The following MUSK variants were observed in gnomAD, a reference collection of about 807,000 sequenced individuals.
MUSK encodes the protein muscle associated receptor tyrosine kinase.
MUSK carries 55 observed loss-of-function variants against 88.7 expected under a neutral mutation model. That is an observed-to-expected ratio of 0.62 (90% CI 0.50 to 0.78). MUSK has a LOEUF of 0.78. Among genes scored for constraint, MUSK ranks in the 30% least tolerant of loss-of-function variants. MUSK has a pLI of 0.00. For missense variants in MUSK, 1,015 were observed against 1,074.3 expected (o/e 0.94, Z 0.77); for synonymous variants, 387 against 391.9 (o/e 0.99, Z 0.15).
intron 14 of MUSK, among the ~76,000 whole-genome samples, chr9:110,790,370 TAGAG>T (rs1462774093): frequency 6.6e-6 from 1 of 152,142 alleles, no homozygotes; most frequent in Non-Finnish European, 1.5e-5. Context: ...GGAACATGGA[TAGAG>T]CTGAAGGGGG....
chr9:110,713,263 T>TTTC (rs2076698430), intron 5 of MUSK, among the ~76,000 whole-genome samples: 1 of 42,354 alleles, frequency 2.4e-5, no homozygotes, highest in South Asian at 8.3e-4. Context: ...CCTTTTTTTC[T>TTTC]TTTTTTTTTT....
At chr9:110,759,248 T>C (rs1257064401) in intron 7 of MUSK, among the ~76,000 whole-genome samples, 2 of 152,166 alleles carry the variant, frequency 1.3e-5, no homozygotes, top group Admixed American at 1.3e-4. Context: ...CCCTATTTAA[T>C]AAATGGTGCT....
At chr9:110,747,873 T>C (rs2077195881) in intron 7 of MUSK, 73 bp downstream of exon 7, 2 of 1,540,980 alleles carry the variant, frequency 1.3e-6, no homozygotes, top group Non-Finnish European at 1.8e-6. Flanking sequence ...TATCGAGCAT[T>C]GGAGAAAATC....
chr9:110,684,425 C>G (rs2076168989), intron 2 of MUSK, among the ~76,000 whole-genome samples: 1 of 151,910 alleles, frequency 6.6e-6, no homozygotes, highest in South Asian at 2.1e-4. Context: ...AATGTGATTC[C>G]TCCAGTTTTT....
Position 110,805,872 on chromosome 9 carries a change from ATC to A in MUSK, c.*4888_*4889del, listed in dbSNP as rs1385538380. On this transcript the variant is annotated 3_prime_UTR_variant, in exon 15 of 15. Transcript: ENST00000374448. ...ATAAAATTAAAAGTTTATCATTTTC[ATC>A]TCTGTTAGAGTTTTGTATTGGCATT... Among the ~76,000 whole-genome samples, 4 of 151,972 alleles carry A rather than the reference ATC, an allele frequency of 2.6e-5. No homozygotes were observed. The highest frequency in any genetic ancestry group is 2.6e-4 in the Admixed American group (4 of 15,272).
In MUSK at chr9:110,806,450, T is replaced by C. The variant is rs1052257091; in HGVS notation, c.*5462T>C. On this transcript the variant is annotated 3_prime_UTR_variant, in exon 15 of 15. Coordinates refer to ENST00000374448, the MANE Select transcript of MUSK (RefSeq NM_005592.4). ...CTATATGTTCATTTCTATGAATCTG[T>C]AATATTTGCATTTTGTTCTGGAACA... Among the ~76,000 whole-genome samples, 1 of 152,184 alleles carries C rather than the reference T, an allele frequency of 6.6e-6. No homozygotes were observed. The highest frequency in any genetic ancestry group is 2.4e-5 in the African/African-American group (1 of 41,448).
chr9:110,714,610 AAG>A (rs2076722149), intron 5 of MUSK, among the ~76,000 whole-genome samples: 1 of 152,186 alleles, frequency 6.6e-6, no homozygotes, highest in Non-Finnish European at 1.5e-5. Flanking sequence ...TTTAGCTACC[AAG>A]AGTCAGGAAA....
intron 11 of MUSK, among the ~76,000 whole-genome samples, chr9:110,778,125 T>C (rs986558605): frequency 6.6e-6 from 1 of 152,102 alleles, no homozygotes; most frequent in Non-Finnish European, 1.5e-5. Flanking sequence ...ACCAGCTCAT[T>C]TGGAGGGGTC....
At chr9:110,726,632 C>T (rs554521173) in intron 5 of MUSK, among the ~76,000 whole-genome samples, 1 of 152,090 alleles carries the variant, frequency 6.6e-6, no homozygotes, top group East Asian at 1.9e-4. Flanking sequence ...TTTGGAGATA[C>T]CACAGTTGCA....
intron 7 of MUSK, among the ~76,000 whole-genome samples, chr9:110,757,693 A>G (rs1301310045): frequency 6.6e-6 from 1 of 151,918 alleles, no homozygotes. Flanking sequence ...ATTTCTGCTA[A>G]AAATATTTAG....
intron 5 of MUSK, among the ~76,000 whole-genome samples, chr9:110,714,373 C>G (rs368264212): frequency 2.6e-5 from 4 of 152,120 alleles, no homozygotes; most frequent in South Asian, 4.1e-4. Context: ...TGTTCCCAAC[C>G]CAAGCCATGG....
chr9:110,701,922 T>C (rs558167884), intron 5 of MUSK, among the ~76,000 whole-genome samples: 1 of 140,114 alleles, frequency 7.1e-6, no homozygotes, highest in African/African-American at 2.7e-5. Context: ...TTATTTTATT[T>C]TATTTCATAG....
At chr9:110,742,350 G>T (rs1175447513) in intron 6 of MUSK, among the ~76,000 whole-genome samples, 1 of 152,092 alleles carries the variant, frequency 6.6e-6, no homozygotes, top group Admixed American at 6.6e-5. Flanking sequence ...CAGCTACTTG[G>T]GAGGCTGAGG....
In MUSK at chr9:110,676,926, T is replaced by C. The variant is rs2076038685; in HGVS notation, c.80-5748T>C. On this transcript the variant is annotated intron_variant, in intron 1 of 14. Transcript: ENST00000374448. Reference sequence around the variant, plus strand: ...CATTGAGGAAAGAGAAGCATTTAAATAAGAAGCTCTCTCTTCAGCTGCCTA... The same window carrying C: ...CATTGAGGAAAGAGAAGCATTTAAACAAGAAGCTCTCTCTTCAGCTGCCTA... Among the ~76,000 whole-genome samples, 4 of 152,170 alleles carry C rather than the reference T, an allele frequency of 2.6e-5. No individual in the cohort carries two copies. In the South Asian group the frequency reaches 8.3e-4, roughly 32 times the overall value.
chr9:110,711,975 CA>C (rs1489902073), intron 5 of MUSK, among the ~76,000 whole-genome samples: 1 of 152,098 alleles, frequency 6.6e-6, no homozygotes, highest in Non-Finnish European at 1.5e-5. Context: ...CATAGACTTG[CA>C]AATGAATTCT....
intron 5 of MUSK, among the ~76,000 whole-genome samples, chr9:110,700,268 GC>G (rs1412907509): frequency 1.3e-5 from 2 of 152,266 alleles, no homozygotes; most frequent in African/African-American, 4.8e-5. Context: ...TGTAACAAGG[GC>G]CCTATATTCT....
chr9:110,754,608 C>G (rs2077289407), intron 7 of MUSK, among the ~76,000 whole-genome samples: 1 of 152,194 alleles, frequency 6.6e-6, no homozygotes, highest in African/African-American at 2.4e-5. Flanking sequence ...TTCCACATTA[C>G]AAAATGAGGG....
chr9:110,719,335 T>C (rs981716331), intron 5 of MUSK, among the ~76,000 whole-genome samples: 1 of 152,084 alleles, frequency 6.6e-6, no homozygotes, highest in Non-Finnish European at 1.5e-5. Context: ...TCTACTGTCT[T>C]CAAGAGACTC....
chr9:110,716,132 A>G (rs1449369026), intron 5 of MUSK, among the ~76,000 whole-genome samples: 1 of 149,908 alleles, frequency 6.7e-6, no homozygotes, highest in African/African-American at 2.5e-5. Flanking sequence ...AACTTAAAAT[A>G]GAAGTTGGGG....
Sources: allele counts gnomAD v4.1 joint callset (sites outside exome capture counted in the v4.1 genomes callset), GRCh38; gene constraint gnomAD v4.1.1; transcripts MANE v1.5; gene names NCBI Gene and HGNC (gene_info 2026-07-23, HGNC 2026-07-21).